ACOT7: variants seen among roughly 807,000 people sequenced by gnomAD.
ACOT7 encodes cytosolic acyl coenzyme A thioester hydrolase.
ACOT7 carries 12 observed loss-of-function variants against 40.2 expected under a neutral mutation model. The ratio of observed to expected loss-of-function variants is 0.30; its 90% CI spans 0.19 to 0.48. The LOEUF (loss-of-function observed/expected upper bound fraction) is 0.48, where lower values mean the gene tolerates loss of function less well. ACOT7 is among the 20% of genes least tolerant of loss of function. The pLI, the probability that ACOT7 is intolerant of heterozygous loss-of-function variation, is 0.99. For missense variants in ACOT7, 395 were observed against 530.8 expected (o/e 0.74, Z 2.51); for synonymous variants, 228 against 219.5 (o/e 1.04, Z -0.34).
In ACOT7 at chr1:6,281,175, C is replaced by T. The variant is rs1245339908; in HGVS notation, c.941G>A (p.Arg314Gln). 5 of 1,614,036 alleles carry T rather than the reference C, an allele frequency of 3.1e-6. No individual in the cohort carries two copies. Among genetic ancestry groups the T allele is most frequent in the East Asian group, 2.2e-5 (1 of 44,890 alleles). Reference protein sequence around the residue: ...PVVDSSQKRYRAASAFFTYVS... With the variant: ...PVVDSSQKRYQAASAFFTYVS... ...GTAGGTGAAGAAGGCACTGGCGGCC[C>T]GGTAGCGCTTCTGAGAGCTGTCCAC... is the stretch of plus-strand genomic sequence containing the variant. Residue 314 changes from arginine (R) to glutamine (Q), a missense_variant, in exon 8 of 9, where the codon CGG becomes CAG. Physicochemically the swap from Arg to Gln is conservative, Grantham distance 43. Coordinates refer to ENST00000361521, the MANE Select transcript of ACOT7 (RefSeq NM_007274.4).
At position 6,308,584 on chromosome 1, in the gene ACOT7, C is replaced by T. The variant is rs1222420145; in HGVS notation, c.712+9908G>A. Among the ~76,000 whole-genome samples the T allele has an allele frequency of 3.5e-5, 5 of 144,290 alleles. No individual in the cohort carries two copies. In the Admixed American group the frequency reaches 3.5e-4, roughly 10 times the overall value. 94.7% of individuals were successfully genotyped at this position (144,290 alleles called of 152,430 possible). ...AGGGAACAGCAACCAGAGGGAACTACAACTGGGCAGAGGGAACTACAACCG... is the reference window on the plus strand; with the variant it reads ...AGGGAACAGCAACCAGAGGGAACTATAACTGGGCAGAGGGAACTACAACCG... On this transcript the variant is annotated intron_variant, in intron 6 of 8. Coordinates refer to ENST00000361521, the MANE Select transcript of ACOT7 (RefSeq NM_007274.4).
chr1:6,276,310 G>A (rs536502913), intron 8 of ACOT7, among the ~76,000 whole-genome samples: 2 of 152,194 alleles, frequency 1.3e-5, no homozygotes, highest in African/African-American at 2.4e-5. Context: ...TGCCGCCTGC[G>A]TCCTGCTGTC....
chr1:6,310,171 T>G (rs60395242), intron 6 of ACOT7, among the ~76,000 whole-genome samples: 28,758 of 152,148 alleles, frequency 0.19, 5,624 homozygotes, highest in African/African-American at 0.5. Context: ...TATTAGAAAA[T>G]CTGTCAGTTG....
chr1:6,315,768 A>G (rs1571300801), intron 6 of ACOT7, among the ~76,000 whole-genome samples: 1 of 150,694 alleles, frequency 6.6e-6, no homozygotes, highest in East Asian at 1.9e-4. Flanking sequence ...AAAAAAAAAA[A>G]AAAAAAAAAA....
intron 6 of ACOT7, among the ~76,000 whole-genome samples, chr1:6,314,561 G>C (rs1640429033): frequency 6.6e-6 from 1 of 151,760 alleles, no homozygotes; most frequent in Non-Finnish European, 1.5e-5. Context: ...GTATCTGCTA[G>C]GTCACCCCTT....
At chr1:6,266,219 A>C (rs558305003) in intron 8 of ACOT7, among the ~76,000 whole-genome samples, 100 of 152,320 alleles carry the variant, frequency 6.6e-4, no homozygotes, top group African/African-American at 2.2e-3. Context: ...ATTTGACCTG[A>C]AACAGTCCAG....
At chr1:6,268,769 C>T (rs1638929854) in intron 8 of ACOT7, among the ~76,000 whole-genome samples, 1 of 152,372 alleles carries the variant, frequency 6.6e-6, no homozygotes, top group East Asian at 1.9e-4. Context: ...CAGCCACACG[C>T]AGCAGTGGAG....
intron 1 of ACOT7, among the ~76,000 whole-genome samples, chr1:6,357,741 G>A (rs565013689): frequency 6.6e-6 from 1 of 152,178 alleles, no homozygotes; most frequent in Non-Finnish European, 1.5e-5. Context: ...ACACCAGGCA[G>A]CCTTGAGGGA....
In ACOT7 at chr1:6,333,495, G is replaced by C; in HGVS notation, c.492C>G (p.Leu164=). 1 of 1,614,200 alleles carries C rather than the reference G, an allele frequency of 6.2e-7. No individual in the cohort carries two copies. The highest frequency in any genetic ancestry group is 1.1e-5 in the South Asian group (1 of 91,082). ...ACCTTACCACAACAGGAGGCACCTC[G>C]AGGACCTTGTCCACATTCTTCAGCG... ...PLSLKNVDKV[L]EVPPVVYSRQ... The change falls in exon 4 of 9, where the codon CTC becomes CTG. Residue 164 remains leucine (L), a synonymous_variant. Transcript: ENST00000361521.
At chr1:6,328,314 C>T (rs993263373) in intron 4 of ACOT7, among the ~76,000 whole-genome samples, 5 of 152,116 alleles carry the variant, frequency 3.3e-5, no homozygotes, top group African/African-American at 1.2e-4. Context: ...CACGGCTCTC[C>T]AAATGAATCA....
intron 8 of ACOT7, among the ~76,000 whole-genome samples, chr1:6,267,341 C>T (rs538392572): frequency 3.6e-4 from 55 of 152,206 alleles, no homozygotes; most frequent in Non-Finnish European, 5.1e-4. Flanking sequence ...AATGGCTCTG[C>T]GGAGCCAACG....
intron 5 of ACOT7, among the ~76,000 whole-genome samples, chr1:6,322,296 C>G (rs935530504): frequency 6.6e-6 from 1 of 152,236 alleles, no homozygotes; most frequent in Non-Finnish European, 1.5e-5. Flanking sequence ...AGGAGCTCCT[C>G]TACTCTGCTT....
chr1:6,323,900 G>A (rs1175714282), intron 5 of ACOT7, among the ~76,000 whole-genome samples: 1 of 151,660 alleles, frequency 6.6e-6, no homozygotes, highest in Non-Finnish European at 1.5e-5. Context: ...CTAGGATGAG[G>A]TCTGGGATGT....
intron 1 of ACOT7, chr1:6,360,511 A>G (rs1173623779): frequency 1.2e-6 from 2 of 1,600,328 alleles, no homozygotes; most frequent in Non-Finnish European, 1.7e-6. Flanking sequence ...GGTCCTCCCA[A>G]ACACACTTCC....
At chr1:6,265,240 G>A (rs12096912) in intron 8 of ACOT7, among the ~76,000 whole-genome samples, 4 of 136,852 alleles carry the variant, frequency 2.9e-5, no homozygotes, top group Non-Finnish European at 4.6e-5. Flanking sequence ...AGCTGCACAC[G>A]GTCACTGCCC....
intron 3 of ACOT7, among the ~76,000 whole-genome samples, chr1:6,334,620 G>A (rs1388481519): frequency 1.3e-5 from 2 of 152,238 alleles, no homozygotes; most frequent in African/African-American, 4.8e-5. Context: ...GCCAAGAGAC[G>A]GGCTATAGGC....
At chr1:6,270,362 T>A (rs891445024) in intron 8 of ACOT7, among the ~76,000 whole-genome samples, 2 of 152,098 alleles carry the variant, frequency 1.3e-5, no homozygotes, top group Non-Finnish European at 2.9e-5. Context: ...CTCTCTCAAG[T>A]CCCCGAGGCT....
At chr1:6,363,216 G>C (rs6693811) in intron 1 of ACOT7, among the ~76,000 whole-genome samples, 2 of 152,148 alleles carry the variant, frequency 1.3e-5, no homozygotes, top group African/African-American at 4.8e-5. Flanking sequence ...TGTTATGCCC[G>C]GACAGGGCCA....
At chr1:6,325,334 C>T (rs1434101607) in intron 5 of ACOT7, among the ~76,000 whole-genome samples, 2 of 151,376 alleles carry the variant, frequency 1.3e-5, no homozygotes, top group African/African-American at 4.9e-5. Context: ...GGAGGCAGAG[C>T]TTGCAGTGAG....
Sources: gnomAD v4.1 joint callset for allele counts (sites outside exome capture counted in the v4.1 genomes callset) on GRCh38, gnomAD v4.1.1 for gene constraint, MANE v1.5 for transcripts, NCBI Gene and HGNC (gene_info 2026-07-23, HGNC 2026-07-21) for gene names.